The following RREB1 variants were observed in gnomAD, a reference collection of about 807,000 sequenced individuals.
The protein encoded by RREB1 is ras-responsive element-binding protein 1.
Under a neutral mutation model 117.8 loss-of-function variants are expected in RREB1, and 27 were observed. That is an observed-to-expected ratio of 0.23 (90% CI 0.17 to 0.32). The LOEUF is 0.32. Among genes scored for constraint, RREB1 ranks in the 10% least tolerant of loss-of-function variants. The pLI is 1.00. For missense variants in RREB1, 2,577 were observed against 2,378.2 expected (o/e 1.08, Z -1.74); for synonymous variants, 1,298 against 1,026.7 (o/e 1.26, Z -5.05).
At position 7,229,384 on chromosome 6, in the gene RREB1, G is replaced by A. The variant is rs368606725; in HGVS notation, c.1285G>A (p.Ala429Thr). 136 of 1,613,956 alleles carry A rather than the reference G, an allele frequency of 8.4e-5. No homozygotes were observed. The highest frequency in any genetic ancestry group is 1.6e-4 in the Middle Eastern group (1 of 6,082). Reference protein sequence around the residue: ...SLGGSLTVLPATKDSIKHLSL... With the variant: ...SLGGSLTVLPTTKDSIKHLSL... The stretch of plus-strand genomic sequence containing the variant: ...AGGCGGTTCTCTCACAGTTCTCCCC[G>A]CGACCAAGGACAGCATAAAGCACCT... The change falls in exon 10 of 13, where the codon GCG becomes ACG. Residue 429 changes from alanine (A) to threonine (T), a missense_variant. Transcript: ENST00000379938. The surrounding 1 kb of genome is among the most constrained non-coding windows in gnomAD (Gnocchi z 4.5).
At chr6:7,123,262 A>G (rs879591288) in intron 1 of RREB1, among the ~76,000 whole-genome samples, 25 of 151,802 alleles carry the variant, frequency 1.6e-4, no homozygotes, top group Non-Finnish European at 2.6e-4. Flanking sequence ...GGTTCAAGCG[A>G]TTCTCCTGTC....
At chr6:7,156,366 G>A (rs906162505) in intron 1 of RREB1, among the ~76,000 whole-genome samples, 8 of 152,178 alleles carry the variant, frequency 5.3e-5, no homozygotes, top group Non-Finnish European at 1.2e-4. Context: ...ACCTAAAAAA[G>A]AGCAACTGAA....
intron 1 of RREB1, among the ~76,000 whole-genome samples, chr6:7,158,248 T>C (rs1451547287): frequency 2.6e-5 from 4 of 152,146 alleles, no homozygotes; most frequent in Non-Finnish European, 2.9e-5. Flanking sequence ...CTTTCCATTG[T>C]CTACCCCACC....
intron 10 of RREB1, among the ~76,000 whole-genome samples, chr6:7,234,106 A>C (rs572495112): frequency 5.8e-4 from 89 of 152,240 alleles, no homozygotes; most frequent in Non-Finnish European, 1.2e-3. Context: ...CTGCCCTTTC[A>C]TACCACTGTC....
At position 7,226,396 on chromosome 6, in the gene RREB1, A is replaced by T; in HGVS notation, c.708-71A>T. The T allele has an allele frequency of 1.7e-5, 20 of 1,152,628 alleles. No individual in the cohort carries two copies. The South Asian group carries it at 3.5e-4, about 20-fold the overall frequency. The allele number at this position is 1,152,628 out of a possible 1,614,324, so 71.4% of individuals were successfully genotyped here. On this transcript the variant is annotated intron_variant, in intron 8 of 12. Transcript: ENST00000379938. ...CAAAAACTTAAGTCTGGAAGAGTGG[A>T]AACTCTGACTTAACTGCTTCCTCAT...
intron 2 of RREB1, among the ~76,000 whole-genome samples, chr6:7,180,812 G>C (rs1764752002): frequency 6.6e-6 from 1 of 152,166 alleles, no homozygotes; most frequent in Admixed American, 6.5e-5. Flanking sequence ...TCCTTGCAAG[G>C]GACTGAGGCA....
In RREB1 at chr6:7,188,809, A is replaced by G. The variant is rs143814231; in HGVS notation, c.262-350A>G. Among the ~76,000 whole-genome samples the G allele has an allele frequency of 6.6e-5, 10 of 152,294 alleles. No individual in the cohort carries two copies. In the South Asian group the frequency reaches 1.7e-3, roughly 25 times the overall value. Reference sequence around the variant, plus strand: ...ACGTTGACTCCTTTAATGGAAGGACATATTTCCTTCACTGTTGAGTGTCCT... The same window carrying G: ...ACGTTGACTCCTTTAATGGAAGGACGTATTTCCTTCACTGTTGAGTGTCCT... On this transcript the variant is annotated intron_variant, in intron 5 of 12. Transcript: ENST00000379938.
intron 1 of RREB1, among the ~76,000 whole-genome samples, chr6:7,155,513 G>T (rs1398274380): frequency 6.6e-6 from 1 of 152,176 alleles, no homozygotes; most frequent in Non-Finnish European, 1.5e-5. Context: ...GTTTCACCCT[G>T]TTGGCCTGGC....
In RREB1 at chr6:7,230,797, C is replaced by T. The variant is rs770904477; in HGVS notation, c.2698C>T (p.Leu900=). ...SSFAVDFNEP[L]DFSQKGLALV... is the part of the protein sequence containing the mutation. ...CTTTGCGGTGGACTTCAATGAGCCCCTGGACTTCTCGCAGAAGGGCCTGGC... is the reference window on the plus strand; with the variant it reads ...CTTTGCGGTGGACTTCAATGAGCCCTTGGACTTCTCGCAGAAGGGCCTGGC... Residue 900 remains leucine, a synonymous_variant, in exon 10 of 13, where the codon CTG becomes TTG. Transcript: ENST00000379938. 2.5e-6 allele frequency: 4 copies of T among 1,614,166 alleles called. No individual in the cohort carries two copies. In the South Asian group the frequency reaches 4.4e-5, roughly 18 times the overall value.
chr6:7,248,821 G>A lies in RREB1; in HGVS notation c.5082G>A (p.Gly1694=). 1 of 1,613,320 alleles carries A rather than the reference G, an allele frequency of 6.2e-7. No individual in the cohort carries two copies. Among genetic ancestry groups the A allele is most frequent in the Non-Finnish European group, 8.5e-7 (1 of 1,179,714 alleles). Residue 1694 remains glycine (G), a synonymous_variant, in exon 13 of 13, where the codon GGG becomes GGA. Coordinates refer to ENST00000379938, the MANE Select transcript of RREB1 (RefSeq NM_001003699.4). ...ACAGGGAGGAGAAGGTCACGGCAGGGTGGCCGTCTGAGCCTGGCCAGGGTG... is the reference window on the plus strand; with the variant it reads ...ACAGGGAGGAGAAGGTCACGGCAGGATGGCCGTCTGAGCCTGGCCAGGGTG... ...CSHREEKVTA[G]WPSEPGQGDL...
intron 1 of RREB1, among the ~76,000 whole-genome samples, chr6:7,163,656 A>G (rs961243014): frequency 6.6e-6 from 1 of 152,060 alleles, no homozygotes; most frequent in African/African-American, 2.4e-5. Context: ...GGCCTCCCAA[A>G]GTGCTGGGAT....
chr6:7,120,335 TCC>T (rs931378638), intron 1 of RREB1, among the ~76,000 whole-genome samples: 2 of 151,856 alleles, frequency 1.3e-5, no homozygotes, highest in African/African-American at 4.8e-5. Flanking sequence ...ACACCTGTAG[TCC>T]CAGATACTCA....
chr6:7,189,844 GAGA>G (rs983021095), intron 6 of RREB1, among the ~76,000 whole-genome samples: 1 of 152,190 alleles, frequency 6.6e-6, no homozygotes, highest in Non-Finnish European at 1.5e-5. Flanking sequence ...ATTCCTGAGA[GAGA>G]AAGATGCTCA....
rs1327015595 is a variant in RREB1, at chr6:7,249,187, G to A, written c.*219G>A. 4.0e-6 allele frequency: 2 copies of A among 495,960 alleles called. No individual in the cohort carries two copies. Among genetic ancestry groups the A allele is most frequent in the Non-Finnish European group, 7.1e-6 (2 of 282,768 alleles). The allele number at this position is 495,960 out of a possible 1,614,324, so 30.7% of individuals were successfully genotyped here. On this transcript the variant is annotated 3_prime_UTR_variant, in exon 13 of 13. Coordinates refer to ENST00000379938, the MANE Select transcript of RREB1 (RefSeq NM_001003699.4). ...GGCCACAGCCCGTGCCGATTCCAGTGCCTTAACTACTTACCGGATCCCTCC... is the reference window on the plus strand; with the variant it reads ...GGCCACAGCCCGTGCCGATTCCAGTACCTTAACTACTTACCGGATCCCTCC...
intron 8 of RREB1, chr6:7,219,091 AC>A (rs1767082302): frequency 1.8e-5 from 2 of 111,498 alleles, no homozygotes; most frequent in African/African-American, 3.3e-5. Context: ...CTACTAAAAT[AC>A]AAAAAAAAAA....
chr6:7,131,042 C>T (rs984636309), intron 1 of RREB1, among the ~76,000 whole-genome samples: 3 of 149,340 alleles, frequency 2.0e-5, no homozygotes, highest in African/African-American at 7.4e-5. Context: ...GGGTTCACAC[C>T]ATTCTCCTGC....
chr6:7,174,805 TG>T (rs1437786933), intron 1 of RREB1, among the ~76,000 whole-genome samples: 1 of 152,072 alleles, frequency 6.6e-6, no homozygotes, highest in Non-Finnish European at 1.5e-5. Flanking sequence ...GATGGGGTTT[TG>T]CCATGTTGGC....
chr6:7,126,221 T>C (rs910069273), intron 1 of RREB1, among the ~76,000 whole-genome samples: 8 of 152,140 alleles, frequency 5.3e-5, no homozygotes, highest in South Asian at 2.1e-4. Flanking sequence ...AGGCTGGCCT[T>C]GAACTGCTGA....
chr6:7,195,722 GTCTCCA>G (rs1765631184), intron 6 of RREB1, among the ~76,000 whole-genome samples: 2 of 152,300 alleles, frequency 1.3e-5, no homozygotes, highest in Admixed American at 6.5e-5. Flanking sequence ...CCCTCATGGG[GTCTCCA>G]GAGCCGATGC....
Sources: gnomAD v4.1 joint callset for allele counts (sites outside exome capture counted in the v4.1 genomes callset) on GRCh38, gnomAD v4.1.1 for gene constraint, Gnocchi (gnomAD v3.1) non-coding constraint, MANE v1.5 for transcripts, NCBI Gene and HGNC (gene_info 2026-07-23, HGNC 2026-07-21) for gene names.